The following CBLN2 variants were observed in gnomAD, a reference collection of about 807,000 sequenced individuals.
CBLN2 encodes the protein cerebellin-2.
Under a neutral mutation model 15.0 loss-of-function variants are expected in CBLN2, and 7 were observed. That is an observed-to-expected ratio of 0.47 (90% CI 0.27 to 0.88). CBLN2 has a LOEUF of 0.88. CBLN2 is among the 40% of genes least tolerant of loss of function. The pLI, the probability that CBLN2 is intolerant of heterozygous loss-of-function variation, is 0.14. For missense variants in CBLN2, 242 were observed against 304.5 expected (o/e 0.79, Z 1.53); for synonymous variants, 149 against 135.2 (o/e 1.10, Z -0.71).
intron 1 of CBLN2, among the ~76,000 whole-genome samples, chr18:72,624,263 C>G (rs2069720023): frequency 6.6e-6 from 1 of 151,904 alleles, no homozygotes. Context: ...CTTGCATACT[C>G]CAGACCCATC....
chr18:72,631,884 GA>G (rs1335102544), intron 1 of CBLN2, among the ~76,000 whole-genome samples: 1 of 152,082 alleles, frequency 6.6e-6, no homozygotes, highest in Non-Finnish European at 1.5e-5. Flanking sequence ...TACAAATATT[GA>G]CATATGTAAT....
At chr18:72,586,031 G>A (rs1481465122) in intron 1 of CBLN2, among the ~76,000 whole-genome samples, 2 of 152,196 alleles carry the variant, frequency 1.3e-5, no homozygotes, top group East Asian at 3.9e-4. Flanking sequence ...CCAGAGTGGA[G>A]GGATACCCAG....
intron 1 of CBLN2, chr18:72,618,838 A>G: frequency 1.4e-6 from 1 of 735,588 alleles, no homozygotes; most frequent in Non-Finnish European, 2.5e-6. Context: ...TGCTTCATCC[A>G]GCCAAAGAGA....
chr18:72,614,104 T>C (rs2069641386), intron 1 of CBLN2, among the ~76,000 whole-genome samples: 1 of 152,174 alleles, frequency 6.6e-6, no homozygotes, highest in South Asian at 2.1e-4. Flanking sequence ...GCTGCATAAC[T>C]GATATCCTCA....
Position 72,538,895 on chromosome 18 carries a change from TC to T in CBLN2, c.358-124del, listed in dbSNP as rs1443179552. The T allele has an allele frequency of 3.9e-6, 5 of 1,282,228 alleles. No homozygotes were observed. In the African/African-American group the frequency reaches 6.0e-5, roughly 15 times the overall value. 79.4% of individuals were successfully genotyped at this position (1,282,228 alleles called of 1,614,324 possible). A position where few individuals can be genotyped will look rare whatever the true frequency, so the allele number is the denominator to read the frequency against. ...AGCGGCTGGGAACACAAATTCAGCA[TC>T]CTCAGCATTCTGGCTTCCCCAGGAA... On this transcript the variant is annotated intron_variant, in intron 3 of 4. Transcript: ENST00000269503.
At chr18:72,555,394 A>C (rs1233069335) in intron 1 of CBLN2, among the ~76,000 whole-genome samples, 1 of 152,008 alleles carries the variant, frequency 6.6e-6, no homozygotes, top group African/African-American at 2.4e-5. Context: ...TTTCCTATTG[A>C]TGAAAATGAA....
chr18:72,567,909 A>G (rs563852211), intron 1 of CBLN2, among the ~76,000 whole-genome samples: 33 of 152,332 alleles, frequency 2.2e-4, no homozygotes, highest in East Asian at 5.8e-4. Flanking sequence ...TTAAAATCAC[A>G]CAAGAAGCAA....
intron 1 of CBLN2, among the ~76,000 whole-genome samples, chr18:72,600,243 T>G (rs1225601386): frequency 6.6e-6 from 1 of 152,216 alleles, no homozygotes; most frequent in Non-Finnish European, 1.5e-5. Context: ...ATCCGTATGA[T>G]TATAAACTTG....
At chr18:72,578,795 G>A (rs2069384784) in intron 1 of CBLN2, among the ~76,000 whole-genome samples, 1 of 151,960 alleles carries the variant, frequency 6.6e-6, no homozygotes, top group Non-Finnish European at 1.5e-5. Flanking sequence ...TAATGATGAA[G>A]GTTTAAGAAA....
chr18:72,567,423 C>T (rs1196987918), intron 1 of CBLN2, among the ~76,000 whole-genome samples: 1 of 152,104 alleles, frequency 6.6e-6, no homozygotes. Context: ...TTCTAAATTA[C>T]TGCTTGTCCA....
chr18:72,606,185 T>C (rs768832708), intron 1 of CBLN2, among the ~76,000 whole-genome samples: 17 of 152,226 alleles, frequency 1.1e-4, no homozygotes, highest in Non-Finnish European at 2.2e-4. Flanking sequence ...TTTTTGCCTT[T>C]TATTCCAAGT....
intron 1 of CBLN2, among the ~76,000 whole-genome samples, chr18:72,600,671 C>G (rs956798231): frequency 6.6e-6 from 1 of 152,094 alleles, no homozygotes; most frequent in African/African-American, 2.4e-5. Flanking sequence ...GACTGCAACA[C>G]TGCAGTAAAG....
At position 72,537,999 on chromosome 18, in the gene CBLN2, G is replaced by C; in HGVS notation, c.*177C>G. The C allele has an allele frequency of 1.6e-6, 1 of 633,264 alleles. No individual in the cohort carries two copies. Among genetic ancestry groups the C allele is most frequent in the South Asian group, 2.0e-5 (1 of 49,574 alleles). 39.2% of individuals were successfully genotyped at this position (633,264 alleles called of 1,614,324 possible). On this transcript the variant is annotated 3_prime_UTR_variant, in exon 5 of 5. Transcript: ENST00000269503. ...AGGCCAGGTTCCCGAGGAATTGTCA[G>C]TATTCCAAAAAACAAAAACAAAAGT...
intron 1 of CBLN2, among the ~76,000 whole-genome samples, chr18:72,588,739 C>A (rs2069458926): frequency 6.6e-6 from 1 of 152,054 alleles, no homozygotes; most frequent in Admixed American, 6.5e-5. Context: ...CTGATTAGAT[C>A]TTTAAAGGCT....
At chr18:72,593,194 A>C (rs150610047) in intron 1 of CBLN2, among the ~76,000 whole-genome samples, 207 of 152,112 alleles carry the variant, frequency 1.4e-3, no homozygotes, top group African/African-American at 4.6e-3. Flanking sequence ...TTCATTGTAG[A>C]GATCTTCCAT....
intron 1 of CBLN2, among the ~76,000 whole-genome samples, chr18:72,591,975 T>G (rs1336358088): frequency 2.0e-5 from 3 of 152,206 alleles, no homozygotes; most frequent in Non-Finnish European, 4.4e-5. Context: ...TATAGATATC[T>G]CTTCAACATA....
At chr18:72,565,101 C>A (rs2069285878) in intron 1 of CBLN2, among the ~76,000 whole-genome samples, 1 of 152,176 alleles carries the variant, frequency 6.6e-6, no homozygotes, top group Admixed American at 6.5e-5. Context: ...TGAAGGAATT[C>A]ATCAGCAAAG....
chr18:72,573,936 T>C (rs2069348087), intron 1 of CBLN2, among the ~76,000 whole-genome samples: 1 of 152,218 alleles, frequency 6.6e-6, no homozygotes, highest in Non-Finnish European at 1.5e-5. Flanking sequence ...ACCACATCCT[T>C]GCCAGCATTT....
chr18:72,595,123 G>C (rs1395109174), intron 1 of CBLN2, among the ~76,000 whole-genome samples: 1 of 151,316 alleles, frequency 6.6e-6, no homozygotes, highest in African/African-American at 2.4e-5. Context: ...GCATAATTAG[G>C]TTATTTATTT....
Sources: allele counts gnomAD v4.1 joint callset (sites outside exome capture counted in the v4.1 genomes callset), GRCh38; gene constraint gnomAD v4.1.1; transcripts MANE v1.5; gene names NCBI Gene and HGNC (gene_info 2026-07-23, HGNC 2026-07-21).